Variants in FAM234A observed in about 807,000 individuals in gnomAD.
FAM234A encodes the protein family with sequence similarity 234 member A.
Under a neutral mutation model 49.1 loss-of-function variants are expected in FAM234A, and 42 were observed. The ratio of observed to expected loss-of-function variants is 0.86; its 90% CI spans 0.67 to 1.11. The LOEUF is 1.11. Ranked by LOEUF, FAM234A falls within the 50% of genes least tolerant of loss-of-function variation. The probability of loss-of-function intolerance (pLI) is 0.00; values close to 1 mark genes in which losing one functional copy is unlikely to be tolerated. For synonymous variants in FAM234A, 369 were observed against 316.2 expected, an observed-to-expected ratio of 1.17 and a Z score of -1.77; for missense variants, 815 against 745.2, an observed-to-expected ratio of 1.09 and a Z score of -1.09.
In FAM234A at chr16:261,607, G is replaced by A. The variant is rs549717884; in HGVS notation, c.708+93G>A. 5.4e-4 allele frequency: 787 copies of A among 1,451,658 alleles called. 20 individuals are homozygous for A. In the South Asian group the frequency reaches 9.8e-3, roughly 18 times the overall value. 89.9% of individuals were successfully genotyped at this position (1,451,658 alleles called of 1,614,324 possible). On this transcript the variant is annotated intron_variant, in intron 6 of 12. Coordinates refer to ENST00000399932, the MANE Select transcript of FAM234A (RefSeq NM_032039.4). ...CCATCTGCTGCCACTTCCCAGACAG[G>A]ATTCGGGTCTGACCACTTGCCGGGG...
Position 264,799 on chromosome 16 carries a change from C to A in FAM234A, c.1448-12C>A, listed in dbSNP as rs1402800543. Reference sequence around the variant, plus strand: ...CTGAGCCGCCCTGACAGCTGTGTCCCCCACCCTGCAGCCGTCCTGTTTGAG... The same window carrying A: ...CTGAGCCGCCCTGACAGCTGTGTCCACCACCCTGCAGCCGTCCTGTTTGAG... On this transcript the variant is annotated splice_polypyrimidine_tract_variant and intron_variant, in intron 12 of 12. Transcript: ENST00000399932. 1 of 1,607,840 alleles carries A rather than the reference C, an allele frequency of 6.2e-7. No individual in the cohort carries two copies. The highest frequency in any genetic ancestry group is 8.5e-7 in the Non-Finnish European group (1 of 1,178,816).
chr16:244,140 T>TG (rs2050714707), intron 1 of FAM234A, among the ~76,000 whole-genome samples: 1 of 152,076 alleles, frequency 6.6e-6, no homozygotes, highest in Non-Finnish European at 1.5e-5. Flanking sequence ...GGCTAATTTT[T>TG]TCTATCTTTA....
At position 263,424 on chromosome 16, in the gene FAM234A, C is replaced by T. The variant is rs138021020; in HGVS notation, c.1112+22C>T. 207 of 1,603,744 alleles carry T rather than the reference C, an allele frequency of 1.3e-4. 1 individual carries two copies. The highest frequency in any genetic ancestry group is 1.2e-4 in the Non-Finnish European group (145 of 1,179,186). On this transcript the variant is annotated intron_variant, in intron 9 of 12. Transcript: ENST00000399932. The stretch of plus-strand genomic sequence containing the variant: ...TGAGGTACAGGGTTTCCCCAAGGAC[C>T]GCGCAGGTGCTGCACCCCTTCCCGG...
rs80003152 is a variant in FAM234A at position 261,823 on chromosome 16, C to T, written c.709-270C>T. 6.2e-3 allele frequency among the ~76,000 whole-genome samples: 944 copies of T among 152,310 alleles called. 44 individuals carry two copies. The East Asian group carries it at 0.11, about 18-fold the overall frequency. ...TGAGGCACTGGGGCTGCCCTGCCTG[C>T]CTCATGTGCCCCGTGCAGTGTGGAG... On this transcript the variant is annotated intron_variant, in intron 6 of 12. Coordinates refer to ENST00000399932, the MANE Select transcript of FAM234A (RefSeq NM_032039.4).
Position 266,050 on chromosome 16 carries a change from C to A in FAM234A, c.*1028C>A. The stretch of plus-strand genomic sequence containing the variant: ...TAGCCAAAGCAGCCTGATGACCCAC[C>A]CACCAAGGAAGAAAGCAGAATAAAC... On this transcript the variant is annotated 3_prime_UTR_variant, in exon 13 of 13. Coordinates refer to ENST00000399932, the MANE Select transcript of FAM234A (RefSeq NM_032039.4). 1.0e-6 allele frequency: 1 copy of A among 986,000 alleles called. No individual in the cohort carries two copies. Among genetic ancestry groups the A allele is most frequent in the Non-Finnish European group, 1.2e-6 (1 of 830,068 alleles). 61.1% of individuals were successfully genotyped at this position (986,000 alleles called of 1,614,324 possible).
At position 241,488 on chromosome 16, in the gene FAM234A, C is replaced by T. The variant is rs528725149; in HGVS notation, c.-140+6631C>T. The stretch of plus-strand genomic sequence containing the variant: ...CCTGTGCTCCCAGCTACTGGGGAGC[C>T]TGAGGCGGGAGGATCTCTTGAGCCC... On this transcript the variant is annotated intron_variant, in intron 1 of 12. Coordinates refer to ENST00000399932, the MANE Select transcript of FAM234A (RefSeq NM_032039.4). Among the ~76,000 whole-genome samples the T allele has an allele frequency of 3.9e-5, 6 of 152,110 alleles. No homozygotes were observed. In the East Asian group the frequency reaches 9.7e-4, roughly 25 times the overall value.
At chr16:253,189 C>A (rs958718029) in intron 2 of FAM234A, among the ~76,000 whole-genome samples, 1 of 152,150 alleles carries the variant, frequency 6.6e-6, no homozygotes, top group African/African-American at 2.4e-5. Context: ...AAGACGGCGA[C>A]TGCCGGTTTC....
At chr16:258,045 A>G (rs2051307032) in intron 3 of FAM234A, among the ~76,000 whole-genome samples, 1 of 151,576 alleles carries the variant, frequency 6.6e-6, no homozygotes. Context: ...TTTAGTAGAG[A>G]AGGTTTCACC....
At chr16:262,727 G>T (rs1354764720) in intron 8 of FAM234A, among the ~76,000 whole-genome samples, 174 bp downstream of exon 8, 1 of 152,150 alleles carries the variant, frequency 6.6e-6, no homozygotes, top group Middle Eastern at 3.4e-3. Flanking sequence ...TCAAATAAAA[G>T]TTGAGTAAAG....
chr16:254,292 C>A, intron 2 of FAM234A, 89 bp from the exon 3 acceptor site: 1 of 1,096,796 alleles, frequency 9.1e-7, no homozygotes, highest in Non-Finnish European at 1.3e-6. Context: ...AGCCAGTCCC[C>A]AAGAAGCCGA....
At chr16:263,186 C>T (rs1200498689) in intron 8 of FAM234A, 76 bp from the exon 9 acceptor site, 39 of 1,541,670 alleles carry the variant, frequency 2.5e-5, no homozygotes, top group Admixed American at 5.2e-5. Context: ...CTGAGACGGG[C>T]GGTGCCAGAG....
chr16:252,767 A>G (rs2051071167), intron 2 of FAM234A, among the ~76,000 whole-genome samples: 1 of 152,250 alleles, frequency 6.6e-6, no homozygotes, highest in African/African-American at 2.4e-5. Context: ...CCGAGTGAAC[A>G]GTTTAAAACA....
In FAM234A at chr16:264,722, T is replaced by A; in HGVS notation, c.1447+6T>A. 6.2e-7 allele frequency: 1 copy of A among 1,610,538 alleles called. No homozygotes were observed. ...CCACATTGTCGCCTTTGACGGTGAG[T>A]GTGGCCTCGGCCAGGGACCCGGGTG... is the stretch of plus-strand genomic sequence containing the variant. On this transcript the variant is annotated splice_donor_region_variant and intron_variant, in intron 12 of 12. Transcript: ENST00000399932.
intron 3 of FAM234A, among the ~76,000 whole-genome samples, chr16:257,817 C>G (rs893793029): frequency 1.3e-5 from 2 of 151,960 alleles, no homozygotes; most frequent in African/African-American, 4.8e-5. Context: ...CAGACCCTGT[C>G]TCTAAAATAA....
downstream of FAM234A, among the ~76,000 whole-genome samples, chr16:266,995 C>T (rs2051711068): frequency 6.6e-6 from 1 of 152,092 alleles, no homozygotes; most frequent in African/African-American, 2.4e-5. Context: ...TGAGCCCCAC[C>T]CTGAGAAGCC....
At chr16:253,474 G>T (rs536261666) in intron 2 of FAM234A, among the ~76,000 whole-genome samples, 1 of 152,030 alleles carries the variant, frequency 6.6e-6, no homozygotes, top group South Asian at 2.1e-4. Context: ...TACTTTATAT[G>T]CATTTAATTT....
chr16:263,224 G>C, intron 8 of FAM234A, 38 bp from the exon 9 acceptor site: 1 of 1,601,180 alleles, frequency 6.2e-7, no homozygotes, highest in African/African-American at 1.3e-5. Context: ...AGGCCGCCCC[G>C]GGGACCCGGC....
chr16:239,363 C>G (rs1026323318), intron 1 of FAM234A, among the ~76,000 whole-genome samples: 3 of 150,634 alleles, frequency 2.0e-5, no homozygotes, highest in African/African-American at 7.3e-5. Context: ...CCTGTAATCC[C>G]AGCACTTTGG....
At chr16:260,385 C>A (rs1050095476) in intron 5 of FAM234A, 1 of 591,618 alleles carries the variant, frequency 1.7e-6, no homozygotes, top group Non-Finnish European at 3.1e-6. Flanking sequence ...CCTCCCGTTA[C>A]ACCTTGCTGG....
Sources: gnomAD v4.1 joint callset for allele counts (sites outside exome capture counted in the v4.1 genomes callset) on GRCh38, gnomAD v4.1.1 for gene constraint, MANE v1.5 for transcripts, NCBI Gene and HGNC (gene_info 2026-07-23, HGNC 2026-07-21) for gene names.